Variants in NEGR1 observed in about 807,000 individuals in gnomAD.
The protein encoded by NEGR1 is neuronal growth regulator 1.
Under a neutral mutation model 40.9 loss-of-function variants are expected in NEGR1, and 10 were observed. The ratio of observed to expected loss-of-function variants is 0.24; its 90% CI spans 0.15 to 0.42. The LOEUF (loss-of-function observed/expected upper bound fraction) is 0.42. Among genes scored for constraint, NEGR1 ranks in the 10% least tolerant of loss-of-function variants. The pLI, the probability that NEGR1 is intolerant of heterozygous loss-of-function variation, is 1.00. For synonymous variants in NEGR1, 185 were observed against 166.8 expected (o/e 1.11, Z -0.84); for missense variants, 352 against 438.9 (o/e 0.80, Z 1.77).
intron 1 of NEGR1, among the ~76,000 whole-genome samples, chr1:72,113,371 C>G (rs1436113349): frequency 6.6e-6 from 1 of 151,242 alleles, no homozygotes; most frequent in South Asian, 2.1e-4. Context: ...TTATTGCACA[C>G]CTGAGATTGT....
chr1:72,252,489 C>A (rs1655135418), intron 1 of NEGR1, among the ~76,000 whole-genome samples: 2 of 152,184 alleles, frequency 1.3e-5, no homozygotes, highest in South Asian at 4.1e-4. Flanking sequence ...CCTAAAACCA[C>A]AAATTTGGTT....
At chr1:72,041,074 C>T (rs1346366419) in intron 1 of NEGR1, among the ~76,000 whole-genome samples, 3 of 151,938 alleles carry the variant, frequency 2.0e-5, no homozygotes, top group Non-Finnish European at 4.4e-5. Flanking sequence ...ATATCAATTT[C>T]CCTATAGACA....
intron 2 of NEGR1, among the ~76,000 whole-genome samples, chr1:71,861,308 A>G (rs188331858): frequency 1.3e-5 from 2 of 152,024 alleles, no homozygotes; most frequent in Non-Finnish European, 2.9e-5. Context: ...GGCATACAGG[A>G]AACACCATAC....
intron 1 of NEGR1, among the ~76,000 whole-genome samples, chr1:72,095,006 C>A (rs1648643593): frequency 1.3e-5 from 2 of 152,080 alleles, no homozygotes; most frequent in African/African-American, 4.8e-5. Context: ...CTACAGTACA[C>A]AAGAGAAATT....
intron 1 of NEGR1, among the ~76,000 whole-genome samples, chr1:72,029,561 T>C (rs1412855221): frequency 6.6e-6 from 1 of 152,206 alleles, no homozygotes; most frequent in African/African-American, 2.4e-5. Flanking sequence ...TATTGACAAG[T>C]AATGCTGTCT....
chr1:71,855,454 G>T (rs1180999668), intron 2 of NEGR1, among the ~76,000 whole-genome samples: 1 of 152,028 alleles, frequency 6.6e-6, no homozygotes, highest in East Asian at 1.9e-4. Flanking sequence ...GGAGGAGGCT[G>T]CCATAGCCAT....
chr1:71,556,066 T>C (rs1292501826), intron 6 of NEGR1, among the ~76,000 whole-genome samples: 3 of 151,362 alleles, frequency 2.0e-5, no homozygotes, highest in African/African-American at 7.3e-5. Context: ...CTTGGTATAC[T>C]TAGAGAATAT....
At chr1:72,028,807 C>A (rs1159847759) in intron 1 of NEGR1, among the ~76,000 whole-genome samples, 6 of 152,252 alleles carry the variant, frequency 3.9e-5, no homozygotes, top group Admixed American at 3.9e-4. Context: ...TTTATTATAG[C>A]AATTTGAGAA....
intron 6 of NEGR1, among the ~76,000 whole-genome samples, chr1:71,529,197 A>T (rs899286402): frequency 6.6e-6 from 1 of 151,246 alleles, no homozygotes; most frequent in African/African-American, 2.4e-5. Flanking sequence ...ATTTAATTTT[A>T]ATCATCTGCC....
At chr1:71,980,350 C>T (rs1392190318) in intron 1 of NEGR1, among the ~76,000 whole-genome samples, 5 of 152,162 alleles carry the variant, frequency 3.3e-5, no homozygotes, top group Non-Finnish European at 7.4e-5. Context: ...TTATGCACTG[C>T]ATTGTGGTAT....
At chr1:71,543,231 C>G (rs1242715640) in intron 6 of NEGR1, among the ~76,000 whole-genome samples, 2 of 151,590 alleles carry the variant, frequency 1.3e-5, no homozygotes, top group Non-Finnish European at 3.0e-5. Flanking sequence ...TTTGTACATT[C>G]TTACATCATG....
At chr1:72,234,376 T>G (rs1035765596) in intron 1 of NEGR1, among the ~76,000 whole-genome samples, 5 of 152,146 alleles carry the variant, frequency 3.3e-5, no homozygotes, top group Admixed American at 6.6e-5. Flanking sequence ...AAAAATTTCA[T>G]GAGCAGATGC....
chr1:71,445,063 T>G (rs570661446), intron 6 of NEGR1, among the ~76,000 whole-genome samples: 1 of 152,188 alleles, frequency 6.6e-6, no homozygotes, highest in East Asian at 1.9e-4. Flanking sequence ...TAAATGTAAT[T>G]TACAGACAAA....
intron 3 of NEGR1, among the ~76,000 whole-genome samples, chr1:71,711,650 T>C (rs1052420864): frequency 6.6e-6 from 1 of 152,148 alleles, no homozygotes; most frequent in Admixed American, 6.5e-5. Context: ...CACTCCTGCA[T>C]AAATAAAAAC....
chr1:71,948,402 T>C (rs1205836211), intron 1 of NEGR1, among the ~76,000 whole-genome samples: 1 of 151,966 alleles, frequency 6.6e-6, no homozygotes, highest in Admixed American at 6.6e-5. Flanking sequence ...TTGAGAAATA[T>C]AAAAATATAT....
At chr1:71,565,074 A>C (rs539669697) in intron 6 of NEGR1, among the ~76,000 whole-genome samples, 1 of 152,104 alleles carries the variant, frequency 6.6e-6, no homozygotes. Context: ...TTCCCAAACC[A>C]ATCAAAGGCC....
intron 1 of NEGR1, among the ~76,000 whole-genome samples, chr1:72,197,973 ACT>A (rs145932348): frequency 0.044 from 6,715 of 151,978 alleles, 527 homozygotes; most frequent in African/African-American, 0.15. Flanking sequence ...GTATTGCACA[ACT>A]CTGTCAGTTT....
chr1:71,474,491 T>C (rs954833619), intron 6 of NEGR1, among the ~76,000 whole-genome samples: 14 of 137,330 alleles, frequency 1.0e-4, no homozygotes, highest in African/African-American at 3.8e-4. Context: ...CTGGCCAACA[T>C]GGCAAAACCC....
chr1:71,408,923 GT>G (rs1307414888), intron 6 of NEGR1: 1 of 151,986 alleles, frequency 6.6e-6, no homozygotes, highest in African/African-American at 2.4e-5. Context: ...AAATTCTGCT[GT>G]TTACACTTCC....
Sources: gnomAD v4.1 joint callset for allele counts (sites outside exome capture counted in the v4.1 genomes callset) on GRCh38, gnomAD v4.1.1 for gene constraint, MANE v1.5 for transcripts, NCBI Gene and HGNC (gene_info 2026-07-23, HGNC 2026-07-21) for gene names.